Variants in MARK3 observed in about 807,000 individuals in gnomAD.
MARK3 encodes microtubule affinity regulating kinase 3.
MARK3 carries 46 observed loss-of-function variants against 90.1 expected under a neutral mutation model. The ratio of observed to expected loss-of-function variants is 0.51; its 90% confidence interval spans 0.40 to 0.65. The LOEUF is 0.65. Among genes scored for constraint, MARK3 ranks in the 30% least tolerant of loss-of-function variants. The pLI is 0.00. For missense variants in MARK3, 818 were observed against 947.2 expected (o/e 0.86, Z 1.79); for synonymous variants, 321 against 332.6 (o/e 0.97, Z 0.38).
rs1595848984 is a variant in MARK3 at position 103,472,829 on chromosome 14, A to G, written c.1265-2164A>G. The stretch of plus-strand genomic sequence containing the variant: ...GAGACCATCTGGCCAACATGGTGAA[A>G]CCCCGTCTCTACTAAAATTACAAAA... On this transcript the variant is annotated intron_variant, in intron 12 of 17. Transcript: ENST00000429436. Among the ~76,000 whole-genome samples, 5 of 151,666 alleles carry G rather than the reference A, an allele frequency of 3.3e-5. No homozygotes were observed. In the South Asian group the frequency reaches 1.0e-3, roughly 32 times the overall value.
chr14:103,412,491 G>A (rs1324025102), intron 2 of MARK3: 1 of 506,338 alleles, frequency 2.0e-6, no homozygotes, highest in Non-Finnish European at 3.6e-6. Context: ...TTATTCTTGA[G>A]TTTTTTTGGC....
At chr14:103,435,569 C>T (rs2092695212) in intron 3 of MARK3, among the ~76,000 whole-genome samples, 3 of 152,034 alleles carry the variant, frequency 2.0e-5, no homozygotes, top group South Asian at 2.1e-4. Flanking sequence ...CCACCACGCC[C>T]GGCTAATTTT....
intron 3 of MARK3, among the ~76,000 whole-genome samples, chr14:103,436,818 G>A (rs1252618838): frequency 1.3e-5 from 2 of 152,136 alleles, no homozygotes; most frequent in East Asian, 1.9e-4. Context: ...GACTGGGCAC[G>A]GTGGCTCACT....
intron 14 of MARK3, chr14:103,490,496 A>G (rs1138400): frequency 0.63 from 95,153 of 152,030 alleles, 30,894 homozygotes; most frequent in Middle Eastern, 0.76. Flanking sequence ...ACCAGCCTGG[A>G]TAATATAGCG....
Position 103,428,414 on chromosome 14 carries a change from C to T in MARK3, c.271C>T (p.Gln91Ter), listed in dbSNP as rs1486605452. 2.7e-6 allele frequency: 4 copies of T among 1,498,924 alleles called. No individual in the cohort carries two copies. The highest frequency in any genetic ancestry group is 3.6e-6 in the Non-Finnish European group (4 of 1,106,324). The allele number at this position is 1,498,924 out of a possible 1,614,324, so 92.9% of individuals were successfully genotyped here. A position where few individuals can be genotyped will look rare whatever the true frequency, so the allele number is the denominator to read the frequency against. ...TGCAATAAAAATAATTGACAAAACT[C>T]AGTTGAATCCAACAAGTCTACAAAA... ...EVAIKIIDKT[Q>*]LNPTSLQKLF... Residue 91 changes from glutamine to a stop codon, truncating the protein, a stop_gained, in exon 3 of 18, where the codon CAG (glutamine) becomes TAG (stop). Transcript: ENST00000429436. LOFTEE classifies it high-confidence loss of function.
rs1044062460 is a variant in MARK3 at position 103,447,996 on chromosome 14, C to T, written c.298-923C>T. Among the ~76,000 whole-genome samples the T allele has an allele frequency of 2.0e-5, 3 of 152,176 alleles. No individual in the cohort carries two copies. In the South Asian group the frequency reaches 6.2e-4, roughly 32 times the overall value. ...CCATGTTGCCCAGGCTGGTCTCGACCTCCTGAGCTCAAGTGATCCACCCAC... is the reference window on the plus strand; with the variant it reads ...CCATGTTGCCCAGGCTGGTCTCGACTTCCTGAGCTCAAGTGATCCACCCAC... On this transcript the variant is annotated intron_variant, in intron 3 of 17. Transcript: ENST00000429436.
Position 103,406,394 on chromosome 14 carries a change from A to T in MARK3, c.243+1127A>T, listed in dbSNP as rs1307545143. On this transcript the variant is annotated intron_variant, in intron 2 of 17. Transcript: ENST00000429436. Reference sequence around the variant, plus strand: ...CGCACACCACCACGCCTGGCTAATTATTTTTTTTTTTTTTGTATTTTTAGT... The same window carrying T: ...CGCACACCACCACGCCTGGCTAATTTTTTTTTTTTTTTTTGTATTTTTAGT... Among the ~76,000 whole-genome samples the T allele has an allele frequency of 5.0e-4, 70 of 141,200 alleles. 1 individual carries two copies. The highest frequency in any genetic ancestry group is 4.1e-3 in the Admixed American group (59 of 14,330). 92.6% of individuals were successfully genotyped at this position (141,200 alleles called of 152,430 possible). A position where few individuals can be genotyped will look rare whatever the true frequency, so the allele number is the denominator to read the frequency against.
rs529390535 is a variant in MARK3 at position 103,467,763 on chromosome 14, A to ACGTAAAGC, written c.1111-269_1111-262dup. 4.1e-3 allele frequency: 1,002 copies of ACGTAAAGC among 246,190 alleles called. 7 individuals are homozygous for ACGTAAAGC. Among genetic ancestry groups the ACGTAAAGC allele is most frequent in the African/African-American group, 0.021 (946 of 44,070 alleles). The allele number at this position is 246,190 out of a possible 1,614,324, so 15.3% of individuals were successfully genotyped here. ...TGTAGTCATTAATAGCTTAGAAATG[A>ACGTAAAGC]CGTAAAGCATCAGATGAAGTAAATA... On this transcript the variant is annotated intron_variant, in intron 11 of 17. Transcript: ENST00000429436.
chr14:103,404,098 C>T (rs1047645174), intron 1 of MARK3, among the ~76,000 whole-genome samples: 11 of 152,128 alleles, frequency 7.2e-5, no homozygotes, highest in East Asian at 1.9e-4. Context: ...AGGTAGATGG[C>T]GCAAGTTTTA....
intron 13 of MARK3, among the ~76,000 whole-genome samples, chr14:103,476,620 A>C (rs2093719364): frequency 6.6e-6 from 1 of 152,188 alleles, no homozygotes; most frequent in Non-Finnish European, 1.5e-5. Flanking sequence ...GAAGTAAACA[A>C]TCTTAAGATT....
chr14:103,491,644 C>T, intron 14 of MARK3, 133 bp from the exon 15 acceptor site: 1 of 896,582 alleles, frequency 1.1e-6, no homozygotes, highest in Non-Finnish European at 1.7e-6. Context: ...CCTTTTGCTC[C>T]TAAGTCCTAT....
intron 1 of MARK3, among the ~76,000 whole-genome samples, chr14:103,391,637 C>T (rs2090250375): frequency 1.3e-5 from 2 of 150,494 alleles, no homozygotes; most frequent in African/African-American, 2.5e-5. Context: ...CTCTGCCGCC[C>T]GGGTTCAAGC....
intron 1 of MARK3, among the ~76,000 whole-genome samples, chr14:103,400,396 C>T (rs145612867): frequency 5.3e-5 from 8 of 152,284 alleles, no homozygotes; most frequent in African/African-American, 1.9e-4. Flanking sequence ...TCCCTAAACA[C>T]GTGTTCAACT....
intron 1 of MARK3, among the ~76,000 whole-genome samples, chr14:103,400,061 T>A (rs908256043): frequency 7.2e-5 from 11 of 151,980 alleles, no homozygotes; most frequent in African/African-American, 2.7e-4. Flanking sequence ...TCTGAGTAGC[T>A]GGGATTACAG....
At chr14:103,444,455 A>G (rs1279551296) in intron 3 of MARK3, among the ~76,000 whole-genome samples, 1 of 152,224 alleles carries the variant, frequency 6.6e-6, no homozygotes, top group East Asian at 1.9e-4. Flanking sequence ...AAGATTGAAA[A>G]GGGAATGTGG....
At chr14:103,405,390 A>T in intron 2 of MARK3, 123 bp downstream of exon 2, 1 of 660,830 alleles carries the variant, frequency 1.5e-6, no homozygotes, top group South Asian at 2.6e-5. Flanking sequence ...TCGCTCTGTC[A>T]CCCAGGCTGG....
At chr14:103,488,086 A>G (rs2093960308) in intron 14 of MARK3, among the ~76,000 whole-genome samples, 1 of 152,100 alleles carries the variant, frequency 6.6e-6, no homozygotes, top group Non-Finnish European at 1.5e-5. Flanking sequence ...ATTCATGTGT[A>G]CGTGTGTCTG....
intron 1 of MARK3, among the ~76,000 whole-genome samples, chr14:103,401,512 TGTCCAG>T (rs1165396411): frequency 9.2e-5 from 14 of 152,216 alleles, no homozygotes; most frequent in African/African-American, 3.1e-4. Flanking sequence ...CTGATCTCCA[TGTCCAG>T]GCCAGTTTGG....
At chr14:103,386,166 C>G in intron 1 of MARK3, 86 bp downstream of exon 1, 2 of 1,279,220 alleles carry the variant, frequency 1.6e-6, no homozygotes, top group African/African-American at 1.5e-5. Flanking sequence ...GGTGTTCCCC[C>G]CAGCCGAACG....
Sources: gnomAD v4.1 joint callset for allele counts (sites outside exome capture counted in the v4.1 genomes callset) on GRCh38, gnomAD v4.1.1 for gene constraint, MANE v1.5 for transcripts, NCBI Gene and HGNC (gene_info 2026-07-23, HGNC 2026-07-21) for gene names.